MYH11: variants seen among roughly 807,000 people sequenced by gnomAD.
MYH11 encodes the protein myosin-11.
In MYH11, 80 loss-of-function variants were observed where a neutral mutation model predicts 246.6. That is an observed-to-expected ratio of 0.32 (90% CI 0.27 to 0.39). MYH11 has a LOEUF of 0.39. Among genes scored for constraint, MYH11 ranks in the 10% least tolerant of loss-of-function variants. MYH11 has a pLI of 1.00. For synonymous variants in MYH11, 1,071 were observed against 1,015.5 expected, an observed-to-expected ratio of 1.05 and a Z score of -1.04; for missense variants, 2,158 against 2,546.8, an observed-to-expected ratio of 0.85 and a Z score of 3.29.
rs1323596418 is a variant in MYH11 at position 15,717,321 on chromosome 16, T to G, written c.5323A>C (p.Thr1775Pro). Residue 1775 changes from threonine to proline, a missense_variant, in exon 38 of 41, where the codon ACA (threonine) becomes CCA (proline). Thr to Pro is a conservative substitution (Grantham distance 38). Transcript: ENST00000300036. ...TTCTTCTGGGCCGTGCTGCGCTCTG[T>G]GGCCAGCTCGTTGCTGAGCTGCTCG... Reference protein sequence around the residue: ...QAEQLSNELATERSTAQKNES... With the variant: ...QAEQLSNELAPERSTAQKNES... 1 of 1,610,404 alleles carries G rather than the reference T, an allele frequency of 6.2e-7. No individual in the cohort carries two copies.
chr16:15,719,535 G>A (rs369978625), intron 35 of MYH11, 50 bp downstream of exon 35: 7 of 1,611,912 alleles, frequency 4.3e-6, no homozygotes, highest in Non-Finnish European at 3.4e-6. Context: ...GCCAAGGGGT[G>A]CTACCGTGAC....
chr16:15,708,675 C>G (rs998844971), intron 40 of MYH11: 1 of 972,382 alleles, frequency 1.0e-6, no homozygotes, highest in African/African-American at 1.6e-5. Context: ...ATCCAAGCCT[C>G]CAGATTTTGC....
chr16:15,718,277 A>G lies in MYH11; in HGVS notation c.5295+38T>C, dbSNP rs755569075. 6.9e-6 allele frequency: 11 copies of G among 1,605,506 alleles called. No homozygotes were observed. In the East Asian group the frequency reaches 1.6e-4, roughly 23 times the overall value. ...TGCAGGATCCTGCTGCAGGAGAGAC[A>G]GTAGGCAGCGTGACTGTGGTGTCCA... On this transcript the variant is annotated intron_variant, in intron 37 of 40. Coordinates refer to ENST00000300036, the MANE Select transcript of MYH11 (RefSeq NM_002474.3).
intron 3 of MYH11, among the ~76,000 whole-genome samples, chr16:15,820,048 A>G (rs2043366144): frequency 6.6e-6 from 1 of 152,236 alleles, no homozygotes; most frequent in South Asian, 2.1e-4. Flanking sequence ...AAAGGCCAAA[A>G]AAAAGATTCA....
chr16:15,708,940 A>G lies in MYH11; in HGVS notation c.5787-4817T>C, dbSNP rs1486879134. The G allele has an allele frequency of 4.9e-6, 6 of 1,237,004 alleles. No homozygotes were observed. In the South Asian group the frequency reaches 6.4e-5, roughly 13 times the overall value. The allele number at this position is 1,237,004 out of a possible 1,614,324, so 76.6% of individuals were successfully genotyped here. On this transcript the variant is annotated intron_variant, in intron 40 of 40. Transcript: ENST00000300036. ...TGTTAAAGACATTTGCTTCGATTTA[A>G]TAATTAAAGGCACTCTTTTTTATTT...
rs779858301 is a variant in MYH11 at position 15,703,688 on chromosome 16, G to C, written c.*303C>G. ...ATTGCAGCCTCGAAGTCCTGGGCTG[G>C]AGCGTTCTTCCTGGCTCAGCCTCCC... On this transcript the variant is annotated 3_prime_UTR_variant, in exon 41 of 41. Transcript: ENST00000300036. 3 of 456,392 alleles carry C rather than the reference G, an allele frequency of 6.6e-6. No homozygotes were observed. The highest frequency in any genetic ancestry group is 5.9e-4 in the Middle Eastern group (1 of 1,690). The allele number at this position is 456,392 out of a possible 1,614,324, so 28.3% of individuals were successfully genotyped here.
At chr16:15,843,504 C>T (rs2044108348) in intron 1 of MYH11, among the ~76,000 whole-genome samples, 1 of 148,922 alleles carries the variant, frequency 6.7e-6, no homozygotes, top group African/African-American at 2.5e-5. Flanking sequence ...TCCTGGCTAA[C>T]ACGGCAAAAC....
chr16:15,776,789 A>T (rs2042230840), intron 7 of MYH11, among the ~76,000 whole-genome samples: 1 of 152,146 alleles, frequency 6.6e-6, no homozygotes, highest in Non-Finnish European at 1.5e-5. Context: ...CACACTAATT[A>T]ATTTCAGGAG....
At chr16:15,737,950 G>A (rs1415879267) in intron 24 of MYH11, among the ~76,000 whole-genome samples, 5 of 151,906 alleles carry the variant, frequency 3.3e-5, no homozygotes, top group Admixed American at 6.6e-5. Flanking sequence ...CCGCCACCAC[G>A]CCTGGCTAAT....
At chr16:15,792,773 A>T (rs1455917266) in intron 4 of MYH11, 4 of 152,190 alleles carry the variant, frequency 2.6e-5, no homozygotes, top group Non-Finnish European at 2.9e-5. Flanking sequence ...TGTGTCACCC[A>T]GGCTGAAGTG....
In MYH11 at chr16:15,708,802, C is replaced by T. The variant is rs557821702; in HGVS notation, c.5787-4679G>A. On this transcript the variant is annotated intron_variant, in intron 40 of 40. Coordinates refer to ENST00000300036, the MANE Select transcript of MYH11 (RefSeq NM_002474.3). ...CAGCTGCGAAGCTGAAGGCATGATA[C>T]CTGGTGCATCACTGCGAAGTTTCCT... The T allele has an allele frequency of 9.1e-5, 146 of 1,607,660 alleles. 1 individual carries two copies. In the South Asian group the frequency reaches 1.5e-3, roughly 17 times the overall value.
chr16:15,705,045 T>A (rs1217588016), intron 40 of MYH11, among the ~76,000 whole-genome samples: 1 of 152,188 alleles, frequency 6.6e-6, no homozygotes, highest in Non-Finnish European at 1.5e-5. Context: ...AGTGGCATGA[T>A]CTTGGCTCAC....
At chr16:15,752,133 C>G (rs2041589563) in intron 15 of MYH11, among the ~76,000 whole-genome samples, 1 of 151,930 alleles carries the variant, frequency 6.6e-6, no homozygotes, top group Non-Finnish European at 1.5e-5. Context: ...TCTCATCTCT[C>G]CCACAAGACT....
intron 3 of MYH11, among the ~76,000 whole-genome samples, chr16:15,806,349 T>A (rs116411193): frequency 0.032 from 4,576 of 143,470 alleles, 147 homozygotes; most frequent in Admixed American, 0.1. Flanking sequence ...TATGATTCCA[T>A]TTATATGAAA....
intron 3 of MYH11, among the ~76,000 whole-genome samples, chr16:15,809,577 G>C (rs2043092463): frequency 6.6e-6 from 1 of 152,014 alleles, no homozygotes; most frequent in African/African-American, 2.4e-5. Context: ...GAGCCAGACT[G>C]CCCAGAGGCT....
At chr16:15,819,666 G>A (rs1264977784) in intron 3 of MYH11, among the ~76,000 whole-genome samples, 1 of 152,158 alleles carries the variant, frequency 6.6e-6, no homozygotes, top group African/African-American at 2.4e-5. Context: ...ATGGTGAGTT[G>A]TATAATGATT....
intron 4 of MYH11, 66 bp downstream of exon 4, chr16:15,798,594 T>G: frequency 7.0e-7 from 1 of 1,435,662 alleles, no homozygotes. Flanking sequence ...ATAGGTTGGA[T>G]CTCGACTACA....
At chr16:15,778,085 G>A (rs970260033) in intron 7 of MYH11, among the ~76,000 whole-genome samples, 6 of 152,248 alleles carry the variant, frequency 3.9e-5, no homozygotes, top group East Asian at 1.9e-4. Context: ...CCCTAGGGCC[G>A]CCTGCAAAGC....
intron 2 of MYH11, among the ~76,000 whole-genome samples, chr16:15,830,122 G>A (rs561941884): frequency 2.9e-4 from 35 of 122,680 alleles, no homozygotes; most frequent in Admixed American, 1.2e-3. Flanking sequence ...GTGATACAGC[G>A]AGACTTGGTC....
Sources: gnomAD v4.1 joint callset for allele counts (sites outside exome capture counted in the v4.1 genomes callset) on GRCh38, gnomAD v4.1.1 for gene constraint, MANE v1.5 for transcripts, NCBI Gene and HGNC (gene_info 2026-07-23, HGNC 2026-07-21) for gene names.